Variants in SMG6 observed in about 807,000 individuals in gnomAD.
The protein encoded by SMG6 is telomerase-binding protein EST1A.
In SMG6, 66 loss-of-function variants were observed where a neutral mutation model predicts 142.2. That is an observed-to-expected ratio of 0.46 (90% CI 0.38 to 0.57). The LOEUF (loss-of-function observed/expected upper bound fraction) is 0.57. Ranked by LOEUF, SMG6 falls within the 20% of genes least tolerant of loss-of-function variation. The probability of loss-of-function intolerance (pLI) is 0.00; values close to 1 mark genes in which losing one functional copy is unlikely to be tolerated. For missense variants in SMG6, 1,793 were observed against 1,832.0 expected (o/e 0.98, Z 0.39); for synonymous variants, 779 against 702.4 (o/e 1.11, Z -1.72).
rs1247193777 is a variant in SMG6 at position 2,236,488 on chromosome 17, T to C, written c.2869+4A>G. 8.1e-6 allele frequency: 13 copies of C among 1,611,548 alleles called. No individual in the cohort carries two copies. Among genetic ancestry groups the C allele is most frequent in the Non-Finnish European group, 9.3e-6 (11 of 1,178,756 alleles). ...TCTAGATGAAGAAACTAAACATGCC[T>C]TACCTTTCAGCTGGGAGTTGTGTAC... On this transcript the variant is annotated splice_donor_region_variant and intron_variant, in intron 10 of 18. Transcript: ENST00000263073.
intron 13 of SMG6, among the ~76,000 whole-genome samples, chr17:2,108,056 T>C (rs1333173607): frequency 3.3e-5 from 5 of 151,882 alleles, no homozygotes; most frequent in Admixed American, 1.3e-4. Context: ...ACAAGATAAA[T>C]CTAACAGGTT....
chr17:2,247,590 C>A (rs986688290), intron 8 of SMG6, among the ~76,000 whole-genome samples: 5 of 152,164 alleles, frequency 3.3e-5, no homozygotes, highest in Non-Finnish European at 7.3e-5. Flanking sequence ...GAGTTCAAGA[C>A]CAGCCTGGCC....
At chr17:2,264,446 C>A (rs2074379542) in intron 8 of SMG6, among the ~76,000 whole-genome samples, 1 of 152,192 alleles carries the variant, frequency 6.6e-6, no homozygotes, top group Non-Finnish European at 1.5e-5. Context: ...TTCCCACAGA[C>A]CTCAAAATCA....
rs371340961 is a variant in SMG6, at chr17:2,073,223, A to ACAAGCGTGAG, written c.3682-4302_3682-4293dup. Among the ~76,000 whole-genome samples the ACAAGCGTGAG allele has an allele frequency of 6.9e-3, 1,054 of 152,082 alleles. 18 individuals are homozygous for ACAAGCGTGAG. Among genetic ancestry groups the ACAAGCGTGAG allele is most frequent in the African/African-American group, 0.024 (988 of 41,514 alleles). On this transcript the variant is annotated intron_variant, in intron 15 of 18. Coordinates refer to ENST00000263073, the MANE Select transcript of SMG6 (RefSeq NM_017575.5). ...CTCAGCCTCCCAAGTAGCTGGGATT[A>ACAAGCGTGAG]CAAGCGTGAGCCAACACGCCCGGCT...
At chr17:2,158,262 T>C (rs1464362674) in intron 13 of SMG6, among the ~76,000 whole-genome samples, 1 of 152,200 alleles carries the variant, frequency 6.6e-6, no homozygotes, top group African/African-American at 2.4e-5. Context: ...GCTGCACATA[T>C]GCAAACCACG....
intron 15 of SMG6, among the ~76,000 whole-genome samples, chr17:2,079,103 A>G (rs2068338952): frequency 6.6e-6 from 1 of 152,052 alleles, no homozygotes; most frequent in Non-Finnish European, 1.5e-5. Flanking sequence ...AGCTGGGACT[A>G]CAGGCACCCG....
intron 15 of SMG6, among the ~76,000 whole-genome samples, chr17:2,074,564 A>G (rs1458521957): frequency 6.6e-6 from 1 of 152,246 alleles, no homozygotes; most frequent in Non-Finnish European, 1.5e-5. Flanking sequence ...CACTCTTTTT[A>G]AAAGTGATAA....
At chr17:2,116,589 T>C (rs1031100796) in intron 13 of SMG6, among the ~76,000 whole-genome samples, 2 of 151,774 alleles carry the variant, frequency 1.3e-5, no homozygotes, top group Admixed American at 6.6e-5. Context: ...CTACTAAAAA[T>C]ACAAAAATTA....
intron 10 of SMG6, chr17:2,229,331 C>T (rs1002421302): frequency 6.6e-6 from 1 of 152,236 alleles, no homozygotes; most frequent in African/African-American, 2.4e-5. Flanking sequence ...ACCTTTACTC[C>T]TGTTCCTCTT....
intron 13 of SMG6, among the ~76,000 whole-genome samples, chr17:2,091,161 G>A (rs1358754721): frequency 2.0e-5 from 3 of 152,190 alleles, no homozygotes; most frequent in Non-Finnish European, 4.4e-5. Flanking sequence ...AGCCAAGGGT[G>A]GGCCAGCCTA....
At chr17:2,198,045 C>CT (rs1215818573) in intron 10 of SMG6, among the ~76,000 whole-genome samples, 3 of 152,162 alleles carry the variant, frequency 2.0e-5, no homozygotes, top group Non-Finnish European at 4.4e-5. Context: ...TTCATAGCAG[C>CT]TTTATTCATA....
At chr17:2,077,062 C>T (rs1011133349) in intron 15 of SMG6, among the ~76,000 whole-genome samples, 1 of 152,202 alleles carries the variant, frequency 6.6e-6, no homozygotes, top group African/African-American at 2.4e-5. Context: ...TGTGCTCCCT[C>T]GGCATCCTGG....
At chr17:2,284,280 A>G (rs1448776902) in intron 6 of SMG6, among the ~76,000 whole-genome samples, 3 of 152,222 alleles carry the variant, frequency 2.0e-5, no homozygotes, top group Non-Finnish European at 4.4e-5. Context: ...GAGTATCCTC[A>G]GGTTTACAAA....
At chr17:2,196,089 C>G (rs138176751) in intron 10 of SMG6, among the ~76,000 whole-genome samples, 6 of 152,060 alleles carry the variant, frequency 3.9e-5, no homozygotes, top group African/African-American at 1.4e-4. Context: ...ACAGAACGTA[C>G]GGAAACGCTA....
rs2067906921 is a variant in SMG6 at position 2,065,246 on chromosome 17, C to A, written c.4048-92G>T. 4 of 1,165,054 alleles carry A rather than the reference C, an allele frequency of 3.4e-6. No individual in the cohort carries two copies. In the Admixed American group the frequency reaches 5.5e-5, roughly 16 times the overall value. 72.2% of individuals were successfully genotyped at this position (1,165,054 alleles called of 1,614,324 possible). A position where few individuals can be genotyped will look rare whatever the true frequency, so the allele number is the denominator to read the frequency against. On this transcript the variant is annotated intron_variant, in intron 17 of 18. Coordinates refer to ENST00000263073, the MANE Select transcript of SMG6 (RefSeq NM_017575.5). ...GATCCTCTGCCTCGGGGGCCCTGGGCAGGGCCACCTCCCCGATCCCTCCCA... is the reference window on the plus strand; with the variant it reads ...GATCCTCTGCCTCGGGGGCCCTGGGAAGGGCCACCTCCCCGATCCCTCCCA...
At chr17:2,263,440 G>A (rs1238533994) in intron 8 of SMG6, among the ~76,000 whole-genome samples, 1 of 152,160 alleles carries the variant, frequency 6.6e-6, no homozygotes, top group Admixed American at 6.5e-5. Flanking sequence ...AAGCATGAAC[G>A]ACACGGAAAA....
chr17:2,125,105 G>C (rs1276854825), intron 13 of SMG6, among the ~76,000 whole-genome samples: 2 of 151,444 alleles, frequency 1.3e-5, no homozygotes, highest in African/African-American at 4.8e-5. Context: ...TGCCAGAGCA[G>C]AGTCTACTTT....
intron 10 of SMG6, among the ~76,000 whole-genome samples, chr17:2,196,670 T>C (rs1354895937): frequency 6.6e-6 from 1 of 152,160 alleles, no homozygotes; most frequent in Non-Finnish European, 1.5e-5. Flanking sequence ...AAGCAAAGGA[T>C]GTAGAACATT....
intron 13 of SMG6, among the ~76,000 whole-genome samples, chr17:2,138,882 T>A (rs1276204320): frequency 1.3e-5 from 2 of 152,192 alleles, no homozygotes; most frequent in African/African-American, 4.8e-5. Flanking sequence ...GATAAAGCAA[T>A]TTCATTCCCC....
Sources: allele counts gnomAD v4.1 joint callset (sites outside exome capture counted in the v4.1 genomes callset), GRCh38; gene constraint gnomAD v4.1.1; transcripts MANE v1.5; gene names NCBI Gene and HGNC (gene_info 2026-07-23, HGNC 2026-07-21).